NLRP14: variants seen among roughly 807,000 people sequenced by gnomAD.
The protein encoded by NLRP14 is NACHT, LRR and PYD domains-containing protein 14.
A neutral mutation model predicts 94.7 loss-of-function variants in NLRP14; 105 were observed. That is an observed-to-expected ratio of 1.11 (90% CI 0.95 to 1.30). NLRP14 has a LOEUF of 1.30. NLRP14 is among the 50% of genes most tolerant of loss of function. The pLI is 0.00. For missense variants in NLRP14, 1,362 were observed against 1,254.1 expected (o/e 1.09, Z -1.30); for synonymous variants, 508 against 459.9 (o/e 1.10, Z -1.34).
At chr11:7,056,864 C>T (rs1852523324) in intron 6 of NLRP14, among the ~76,000 whole-genome samples, 1 of 151,950 alleles carries the variant, frequency 6.6e-6, no homozygotes, top group South Asian at 2.1e-4. Flanking sequence ...GCTTTTTCAG[C>T]CTTAGGCCAT....
the NLRP14 span, among the ~76,000 whole-genome samples, chr11:7,088,229 C>T: frequency 5.9e-5 from 9 of 152,240 alleles, no homozygotes; most frequent in Admixed American, 4.6e-4. Flanking sequence ...CAATGGATAT[C>T]GTACAGAGCA....
chr11:7,071,272 T>C lies in NLRP14; in HGVS notation c.3246T>C (p.His1082=). 1 of 1,613,598 alleles carries C rather than the reference T, an allele frequency of 6.2e-7. No homozygotes were observed. Among genetic ancestry groups the C allele is most frequent in the Non-Finnish European group, 8.5e-7 (1 of 1,179,666 alleles). The change falls in exon 12 of 12, where the codon CAT becomes CAC. Residue 1082 remains histidine (H), a synonymous_variant. Transcript: ENST00000299481. The stretch of plus-strand genomic sequence containing the variant: ...TCATTAAGCCAGATTGTAACTATCA[T>C]AATGAAGAAGATGTGTCTTGGTGGT... ...HLIIKPDCNY[H]NEEDVSWWWC...
chr11:7,060,051 C>T lies in NLRP14; in HGVS notation c.2791C>T (p.Leu931Phe). 1 of 1,612,472 alleles carries T rather than the reference C, an allele frequency of 6.2e-7. No individual in the cohort carries two copies. Among genetic ancestry groups the T allele is most frequent in the Non-Finnish European group, 8.5e-7 (1 of 1,178,740 alleles). Residue 931 changes from leucine to phenylalanine, a missense_variant, in exon 9 of 12, where the codon CTT becomes TTT. Leu to Phe is a conservative substitution (Grantham distance 22, BLOSUM62 0). Coordinates refer to ENST00000299481, the MANE Select transcript of NLRP14 (RefSeq NM_176822.4). Reference protein sequence around the residue: ...CDVFRHPSCNLQDLELMGCVL... With the variant: ...CDVFRHPSCNFQDLELMGCVL... ...TGTCTTTCGGCATCCAAGCTGTAATCTTCAGGACTTGGAGTAGGTTTTCTG... is the reference window on the plus strand; with the variant it reads ...TGTCTTTCGGCATCCAAGCTGTAATTTTCAGGACTTGGAGTAGGTTTTCTG...
chr11:7,049,511 G>A (rs1414724701), intron 5 of NLRP14, among the ~76,000 whole-genome samples, 160 bp from the exon 6 acceptor site: 1 of 152,112 alleles, frequency 6.6e-6, no homozygotes, highest in Non-Finnish European at 1.5e-5. Context: ...CAATTATCAG[G>A]TCATAAATAG....
At chr11:7,062,564 G>C in intron 10 of NLRP14, 61 bp downstream of exon 10, 1 of 1,408,648 alleles carries the variant, frequency 7.1e-7, no homozygotes, top group Non-Finnish European at 1.0e-6. Flanking sequence ...ATAGCTAGAA[G>C]ATATTTAGTG....
chr11:7,070,391 A>T lies in NLRP14; in HGVS notation c.3081A>T (p.Gly1027=). 1 of 1,609,074 alleles carries T rather than the reference A, an allele frequency of 6.2e-7. No homozygotes were observed. The highest frequency in any genetic ancestry group is 8.5e-7 in the Non-Finnish European group (1 of 1,175,480). ...TGAATCTGACACAGAATACCTTAGG[A>T]TATGAAGGAATTGTGAAGTTATATA... is the stretch of plus-strand genomic sequence containing the variant. ...IKMNLTQNTL[G]YEGIVKLYKV... Residue 1027 remains glycine (G), a synonymous_variant, in exon 11 of 12, where the codon GGA becomes GGT. Transcript: ENST00000299481.
At chr11:7,040,545 CA>C (rs1291046338) in intron 3 of NLRP14, among the ~76,000 whole-genome samples, 1 of 152,176 alleles carries the variant, frequency 6.6e-6, no homozygotes, top group East Asian at 1.9e-4. Context: ...CCCTGGTGCC[CA>C]AAAGATTGGG....
At chr11:7,030,833 C>T (rs936570147) in intron 1 of NLRP14, among the ~76,000 whole-genome samples, 1 of 152,218 alleles carries the variant, frequency 6.6e-6, no homozygotes, top group East Asian at 1.9e-4. Flanking sequence ...CCGACTTCCT[C>T]TTTCCCACAT....
chr11:7,029,279 C>T (rs1358165447), intron 1 of NLRP14, among the ~76,000 whole-genome samples: 1 of 152,126 alleles, frequency 6.6e-6, no homozygotes, highest in African/African-American at 2.4e-5. Context: ...TACCTTTTTG[C>T]AACACAGAGA....
At chr11:7,023,533 ATATTTATATTAATATATTT>A (rs1477801435) in intron 1 of NLRP14, among the ~76,000 whole-genome samples, 2 of 146,404 alleles carry the variant, frequency 1.4e-5, no homozygotes, top group Admixed American at 1.4e-4. Flanking sequence ...AAATATATTT[ATATTTATATTAATATATTT>A]TATTTATATT....
intron 5 of NLRP14, among the ~76,000 whole-genome samples, chr11:7,048,985 G>A (rs79185627): frequency 0.031 from 4,618 of 151,150 alleles, 95 homozygotes; most frequent in Middle Eastern, 0.062. Flanking sequence ...TTATTTTCCT[G>A]TGTGTACTTG....
the NLRP14 span, chr11:7,090,350 A>G: frequency 1.3e-6 from 2 of 1,533,794 alleles, no homozygotes; most frequent in South Asian, 1.2e-5. Context: ...ACTAACAAAA[A>G]GAAGAACCTG....
chr11:7,084,312 A>G, the NLRP14 span, among the ~76,000 whole-genome samples: 2 of 152,236 alleles, frequency 1.3e-5, no homozygotes, highest in African/African-American at 4.8e-5. Flanking sequence ...GCAGTTACTG[A>G]CACAGGTCTT....
In NLRP14 at chr11:7,030,122, A is replaced by G. The variant is rs114328859; in HGVS notation, c.-21-8444A>G. ...TAATCCTTAGAAAAAGGAAGCCATC[A>G]GAACAGAGCATCCATTTACCCATGT... is the stretch of plus-strand genomic sequence containing the variant. On this transcript the variant is annotated intron_variant, in intron 1 of 11. Coordinates refer to ENST00000299481, the MANE Select transcript of NLRP14 (RefSeq NM_176822.4). 3.0e-3 allele frequency among the ~76,000 whole-genome samples: 452 copies of G among 152,382 alleles called. 3 individuals carry two copies. Among genetic ancestry groups the G allele is most frequent in the African/African-American group, 0.011 (443 of 41,594 alleles).
rs767463323 is a variant in NLRP14, at chr11:7,070,446, C to T, written c.3136C>T (p.Gln1046Ter). 4.3e-6 allele frequency: 7 copies of T among 1,610,312 alleles called. No homozygotes were observed. The highest frequency in any genetic ancestry group is 5.9e-6 in the Non-Finnish European group (7 of 1,177,092). ...CTTGAAGTCTCCTAAGTGTAAACTA[C>T]AAGTTCTAGGGTAAGTCTCCATTGG... ...KVLKSPKCKL[Q>*]VLGLCKEAFD... The change falls in exon 11 of 12, where the codon CAA (glutamine) becomes TAA (stop). Residue 1046 changes from glutamine (Q) to a stop codon, truncating the protein, a stop_gained. Transcript: ENST00000299481. LOFTEE classifies it low-confidence loss of function (END_TRUNC).
At chr11:7,072,499 T>A (rs1250856499), downstream of NLRP14, among the ~76,000 whole-genome samples, 1 of 152,198 alleles carries the variant, frequency 6.6e-6, no homozygotes, top group Admixed American at 6.5e-5. Flanking sequence ...TTCAAGTGTC[T>A]CTCTTGATCC....
At chr11:7,062,988 A>G (rs1446084711) in intron 10 of NLRP14, among the ~76,000 whole-genome samples, 1 of 152,142 alleles carries the variant, frequency 6.6e-6, no homozygotes, top group Non-Finnish European at 1.5e-5. Flanking sequence ...CACTTATACA[A>G]CATGAATTAT....
In NLRP14 at chr11:7,059,995, T is replaced by A; in HGVS notation, c.2735T>A (p.Leu912Gln). The A allele has an allele frequency of 6.2e-7, 1 of 1,612,860 alleles. No individual in the cohort carries two copies. The highest frequency in any genetic ancestry group is 8.5e-7 in the Non-Finnish European group (1 of 1,179,042). Reference protein sequence around the residue: ...LTHLDLGSNWLQDNGVKLLCD... With the variant: ...LTHLDLGSNWQQDNGVKLLCD... ...CATCTGGATCTAGGATCAAACTGGCTACAAGACAATGGAGTGAAGCTTCTG... is the reference window on the plus strand; with the variant it reads ...CATCTGGATCTAGGATCAAACTGGCAACAAGACAATGGAGTGAAGCTTCTG... Residue 912 changes from leucine to glutamine, a missense_variant, in exon 9 of 12, where the codon CTA becomes CAA. Transcript: ENST00000299481.
chr11:7,089,754 G>C, the NLRP14 span: 1 of 1,565,730 alleles, frequency 6.4e-7, no homozygotes, highest in South Asian at 1.1e-5. Flanking sequence ...CCCGCGGGAT[G>C]AGGGCTACTC....
Sources: gnomAD v4.1 joint callset for allele counts (sites outside exome capture counted in the v4.1 genomes callset) on GRCh38, gnomAD v4.1.1 for gene constraint, MANE v1.5 for transcripts, NCBI Gene and HGNC (gene_info 2026-07-23, HGNC 2026-07-21) for gene names.